The following BMPER variants were observed in gnomAD, a reference collection of about 807,000 sequenced individuals.
BMPER encodes the protein BMP-binding endothelial regulator protein.
BMPER carries 45 observed loss-of-function variants against 87.3 expected under a neutral mutation model. That is an observed-to-expected ratio of 0.52 (90% CI 0.41 to 0.66). The LOEUF (loss-of-function observed/expected upper bound fraction) is 0.66, where lower values mean the gene tolerates loss of function less well. BMPER is among the 30% of genes least tolerant of loss of function. The pLI is 0.00. For missense variants in BMPER, 784 were observed against 867.5 expected, an observed-to-expected ratio of 0.90 and a Z score of 1.21; for synonymous variants, 326 against 316.2, an observed-to-expected ratio of 1.03 and a Z score of -0.33.
In BMPER at chr7:33,972,588, C is replaced by T. The variant is rs150294236; in HGVS notation, c.494-2114C>T. Among the ~76,000 whole-genome samples the T allele has an allele frequency of 1.1e-3, 166 of 152,132 alleles. 1 individual carries two copies. Among genetic ancestry groups the T allele is most frequent in the Admixed American group, 2.8e-3 (43 of 15,286 alleles). On this transcript the variant is annotated intron_variant, in intron 5 of 14. Transcript: ENST00000649409. Reference sequence around the variant, plus strand: ...CAAGAGTAAGCGCCTGCCTGAGGTCCGTGAGTGAGTAAGGGCCAAAGGTGA... The same window carrying T: ...CAAGAGTAAGCGCCTGCCTGAGGTCTGTGAGTGAGTAAGGGCCAAAGGTGA...
At chr7:34,130,591 A>G (rs562792075) in intron 13 of BMPER, among the ~76,000 whole-genome samples, 5 of 152,372 alleles carry the variant, frequency 3.3e-5, no homozygotes, top group Non-Finnish European at 5.9e-5. Flanking sequence ...GTACCCTAGA[A>G]CAGGCTCTGC....
At chr7:33,993,948 G>T (rs1290200893) in intron 6 of BMPER, among the ~76,000 whole-genome samples, 1 of 152,184 alleles carries the variant, frequency 6.6e-6, no homozygotes, top group African/African-American at 2.4e-5. Flanking sequence ...CAGGGGTCAG[G>T]GACCCACTTG....
At chr7:34,067,689 G>A (rs1228202383) in intron 11 of BMPER, among the ~76,000 whole-genome samples, 2 of 152,158 alleles carry the variant, frequency 1.3e-5, no homozygotes, top group Admixed American at 6.5e-5. Flanking sequence ...ATCTGGAGTC[G>A]GGCTTGACAC....
chr7:34,125,190 C>A (rs571274417), intron 13 of BMPER, among the ~76,000 whole-genome samples: 1 of 152,144 alleles, frequency 6.6e-6, no homozygotes, highest in African/African-American at 2.4e-5. Context: ...CAACTACTTA[C>A]GCCATATAAA....
chr7:33,999,015 CGCCT>C (rs1562680350), intron 6 of BMPER, among the ~76,000 whole-genome samples: 2 of 152,162 alleles, frequency 1.3e-5, no homozygotes. Flanking sequence ...CTTCCCTGCC[CGCCT>C]GCTCTGAGCC....
chr7:34,059,670 A>G (rs1291055232), intron 10 of BMPER, among the ~76,000 whole-genome samples: 1 of 148,468 alleles, frequency 6.7e-6, no homozygotes, highest in African/African-American at 2.5e-5. Context: ...TTGGAAGATA[A>G]CTCAGCTCTA....
chr7:33,966,125 G>T (rs1188776250), intron 3 of BMPER, among the ~76,000 whole-genome samples: 1 of 152,086 alleles, frequency 6.6e-6, no homozygotes, highest in Non-Finnish European at 1.5e-5. Flanking sequence ...TCTCATGTAA[G>T]ATCCCTTTTA....
At chr7:34,077,265 A>T (rs1788889388) in intron 11 of BMPER, among the ~76,000 whole-genome samples, 1 of 152,178 alleles carries the variant, frequency 6.6e-6, no homozygotes, top group Non-Finnish European at 1.5e-5. Flanking sequence ...TGAAGAGGTT[A>T]GATAGCTGGG....
At chr7:34,142,902 C>T (rs531397922) in intron 13 of BMPER, among the ~76,000 whole-genome samples, 2 of 152,322 alleles carry the variant, frequency 1.3e-5, no homozygotes, top group South Asian at 4.1e-4. Context: ...CTTGGTTCCT[C>T]CATTGTGGTA....
intron 6 of BMPER, among the ~76,000 whole-genome samples, chr7:34,018,039 T>C (rs1787079886): frequency 6.6e-6 from 1 of 151,556 alleles, no homozygotes; most frequent in African/African-American, 2.4e-5. Flanking sequence ...ATTACTTCAA[T>C]GTGGCCTAAA....
intron 10 of BMPER, among the ~76,000 whole-genome samples, chr7:34,059,745 A>G (rs1420868899): frequency 1.5e-4 from 12 of 77,752 alleles, no homozygotes; most frequent in East Asian, 6.5e-4. Flanking sequence ...GAAATTTTGG[A>G]AAAAAAAAAA....
intron 2 of BMPER, among the ~76,000 whole-genome samples, chr7:33,921,600 A>G (rs1306023699): frequency 1.3e-5 from 2 of 152,132 alleles, no homozygotes; most frequent in African/African-American, 4.8e-5. Context: ...CTTGCAGTCT[A>G]GTTAGGTAGG....
rs766567936 is a variant in BMPER, at chr7:33,979,051, C to T, written c.576+4267C>T. ...TGGTAAGGGTGAGAGGATGTGGGTC[C>T]GCAGCGACAGAGTCAGCTACAACAT... On this transcript the variant is annotated intron_variant, in intron 6 of 14. Coordinates refer to ENST00000649409, the MANE Select transcript of BMPER (RefSeq NM_001365308.1). Among the ~76,000 whole-genome samples, 5 of 151,952 alleles carry T rather than the reference C, an allele frequency of 3.3e-5. No individual in the cohort carries two copies. The South Asian group carries it at 6.2e-4, about 19-fold the overall frequency.
At chr7:34,124,981 C>G (rs1790363909) in intron 13 of BMPER, among the ~76,000 whole-genome samples, 1 of 151,552 alleles carries the variant, frequency 6.6e-6, no homozygotes, top group African/African-American at 2.4e-5. Flanking sequence ...TGAGATCAAA[C>G]CAACCTTGCA....
intron 13 of BMPER, among the ~76,000 whole-genome samples, chr7:34,140,879 G>A (rs1036900590): frequency 1.3e-4 from 20 of 152,104 alleles, no homozygotes; most frequent in African/African-American, 4.6e-4. Context: ...TCCCATATAT[G>A]TGCCATCATT....
At chr7:34,010,405 T>G (rs1410968516) in intron 6 of BMPER, among the ~76,000 whole-genome samples, 1 of 151,884 alleles carries the variant, frequency 6.6e-6, no homozygotes, top group African/African-American at 2.4e-5. Context: ...TAAAATTACT[T>G]GTTGTATGAG....
At chr7:33,916,777 C>T (rs1223272287) in intron 2 of BMPER, among the ~76,000 whole-genome samples, 1 of 152,192 alleles carries the variant, frequency 6.6e-6, no homozygotes, top group Non-Finnish European at 1.5e-5. Context: ...TCCATAGCTT[C>T]AGCAAGAGGT....
chr7:34,122,959 A>G (rs554726375), intron 13 of BMPER, among the ~76,000 whole-genome samples: 51 of 152,312 alleles, frequency 3.3e-4, no homozygotes, highest in African/African-American at 1.2e-3. Context: ...CATTAATATA[A>G]TATTTCTTTA....
intron 6 of BMPER, among the ~76,000 whole-genome samples, chr7:34,026,622 A>G (rs948380807): frequency 4.6e-5 from 7 of 152,096 alleles, no homozygotes; most frequent in Non-Finnish European, 7.4e-5. Context: ...ACAAGAATTC[A>G]GAGTTACTAA....
Sources: allele counts gnomAD v4.1 joint callset (sites outside exome capture counted in the v4.1 genomes callset), GRCh38; gene constraint gnomAD v4.1.1; transcripts MANE v1.5; gene names NCBI Gene and HGNC (gene_info 2026-07-23, HGNC 2026-07-21).